Variants in PHTF2 observed in about 807,000 individuals in gnomAD.
PHTF2 encodes putative homeodomain transcription factor 2.
Under a neutral mutation model 101.2 loss-of-function variants are expected in PHTF2, and 60 were observed. That is an observed-to-expected ratio of 0.59 (90% CI 0.48 to 0.73). PHTF2 has a LOEUF of 0.73. Ranked by LOEUF, PHTF2 falls within the 30% of genes least tolerant of loss-of-function variation. The pLI is 0.00. For missense variants in PHTF2, 747 were observed against 908.7 expected, an observed-to-expected ratio of 0.82 and a Z score of 2.29; for synonymous variants, 311 against 307.3, an observed-to-expected ratio of 1.01 and a Z score of -0.13.
chr7:77,935,789 T>C (rs1805073602), intron 12 of PHTF2, among the ~76,000 whole-genome samples: 1 of 152,196 alleles, frequency 6.6e-6, no homozygotes, highest in Non-Finnish European at 1.5e-5. Flanking sequence ...TTTAAAAATG[T>C]CTGTAAATCA....
At chr7:77,869,995 CT>C (rs746409570) in intron 3 of PHTF2, among the ~76,000 whole-genome samples, 2 of 151,784 alleles carry the variant, frequency 1.3e-5, no homozygotes, top group Non-Finnish European at 2.9e-5. Flanking sequence ...GTTATTAATC[CT>C]TTGTTGGATA....
At chr7:77,911,231 CTATACAAAAA>C (rs1802366004) in intron 9 of PHTF2, among the ~76,000 whole-genome samples, 2 of 151,854 alleles carry the variant, frequency 1.3e-5, no homozygotes, top group Non-Finnish European at 2.9e-5. Context: ...TTGCATACAA[CTATACAAAAA>C]TGGCTTTTTG....
intron 1 of PHTF2, among the ~76,000 whole-genome samples, chr7:77,800,537 A>C (rs1236914320): frequency 6.6e-6 from 1 of 152,220 alleles, no homozygotes; most frequent in East Asian, 1.9e-4. Flanking sequence ...TCTTGCATAG[A>C]TAGTCAAGCC....
chr7:77,954,724 G>C (rs1339034787), intron 19 of PHTF2, 134 bp from the exon 19 acceptor site: 3 of 503,276 alleles, frequency 6.0e-6, no homozygotes, highest in African/African-American at 2.1e-5. Context: ...TTCTTAAAAG[G>C]ATAAAGGAGT....
intron 3 of PHTF2, among the ~76,000 whole-genome samples, chr7:77,889,134 C>G (rs1800135139): frequency 6.6e-6 from 1 of 152,130 alleles, no homozygotes; most frequent in Admixed American, 6.5e-5. Flanking sequence ...ATTCTCTTTC[C>G]TAGTCCTAAG....
intron 1 of PHTF2, among the ~76,000 whole-genome samples, chr7:77,817,019 C>T (rs967772134): frequency 2.6e-5 from 4 of 152,228 alleles, no homozygotes; most frequent in Admixed American, 6.5e-5. Flanking sequence ...AATAGTGCTG[C>T]AATAAACATG....
intron 1 of PHTF2, among the ~76,000 whole-genome samples, chr7:77,822,805 T>C (rs1299601517): frequency 6.6e-6 from 1 of 152,170 alleles, no homozygotes; most frequent in East Asian, 1.9e-4. Flanking sequence ...TAGCTGTTTA[T>C]GTGATGCCTA....
chr7:77,891,185 A>C (rs1018194131), intron 3 of PHTF2, among the ~76,000 whole-genome samples: 1 of 152,164 alleles, frequency 6.6e-6, no homozygotes, highest in African/African-American at 2.4e-5. Context: ...CTAGGATTAC[A>C]GGCATGAGCC....
At chr7:77,834,569 C>A (rs1380459924) in intron 1 of PHTF2, among the ~76,000 whole-genome samples, 2 of 152,176 alleles carry the variant, frequency 1.3e-5, no homozygotes, top group Non-Finnish European at 2.9e-5. Flanking sequence ...TTGCCTACCT[C>A]ACATGGCTCA....
chr7:77,943,183 C>G (rs1359635265), intron 16 of PHTF2, among the ~76,000 whole-genome samples: 1 of 152,330 alleles, frequency 6.6e-6, no homozygotes, highest in Admixed American at 6.5e-5. Context: ...TGCAGTGGCG[C>G]GATCTCGGCT....
intron 18 of PHTF2, among the ~76,000 whole-genome samples, chr7:77,952,274 T>A (rs1282957287): frequency 2.0e-5 from 3 of 152,166 alleles, no homozygotes; most frequent in Non-Finnish European, 4.4e-5. Flanking sequence ...AAGGAAAATA[T>A]TTTTTAAAAT....
At chr7:77,877,927 G>T (rs1488808936) in intron 3 of PHTF2, among the ~76,000 whole-genome samples, 1 of 152,128 alleles carries the variant, frequency 6.6e-6, no homozygotes, top group Non-Finnish European at 1.5e-5. Flanking sequence ...TGTGTGTCTG[G>T]CTTTGAATCA....
In PHTF2 at chr7:77,926,790, G is replaced by A. The variant is rs1022734807; in HGVS notation, c.1120-2319G>A. On this transcript the variant is annotated intron_variant, in intron 11 of 19. Coordinates refer to ENST00000416283, the Ensembl canonical transcript of PHTF2. ...TAGAGACCCGCCTGTGCAACATGGC[G>A]AAACTCCATCTCTCAAAAAAAAAAC... Among the ~76,000 whole-genome samples the A allele has an allele frequency of 2.9e-4, 43 of 150,640 alleles. 1 individual carries two copies. Among genetic ancestry groups the A allele is most frequent in the Admixed American group, 2.2e-3 (33 of 15,098 alleles).
At chr7:77,954,876 T>C in exon 20 of PHTF2, 1 of 1,510,632 alleles carries the variant, frequency 6.6e-7, no homozygotes, top group Non-Finnish European at 9.1e-7. Context: ...GATTAAGTCA[T>C]GACAATTCAA....
At chr7:77,883,866 TAA>T in intron 3 of PHTF2, among the ~76,000 whole-genome samples, 1 of 152,344 alleles carries the variant, frequency 6.6e-6, no homozygotes, top group Non-Finnish European at 1.5e-5. Flanking sequence ...TTTAGCAATT[TAA>T]AAGTGAAATA....
At chr7:77,799,031 A>G (rs539448770) in intron 1 of PHTF2, 60 bp downstream of exon 1, 1 of 152,762 alleles carries the variant, frequency 6.5e-6, no homozygotes, top group African/African-American at 2.4e-5. Context: ...GAGTTCTGAC[A>G]GAATTTCGAG....
chr7:77,944,770 CTG>C (rs904200646), intron 16 of PHTF2, among the ~76,000 whole-genome samples: 4 of 152,146 alleles, frequency 2.6e-5, no homozygotes, highest in Admixed American at 2.0e-4. Context: ...ATAGATAACA[CTG>C]TGAAAAAAGA....
chr7:77,886,581 A>G (rs1799869502), intron 3 of PHTF2, among the ~76,000 whole-genome samples: 1 of 152,138 alleles, frequency 6.6e-6, no homozygotes, highest in African/African-American at 2.4e-5. Context: ...GAGGAGGTAC[A>G]TGATTCTCTA....
chr7:77,810,437 C>T (rs1793345412), intron 1 of PHTF2, among the ~76,000 whole-genome samples: 1 of 152,202 alleles, frequency 6.6e-6, no homozygotes. Flanking sequence ...TGTCACATCT[C>T]TCTAGTTTCT....
Sources: allele counts gnomAD v4.1 joint callset (sites outside exome capture counted in the v4.1 genomes callset), GRCh38; gene constraint gnomAD v4.1.1; transcripts MANE v1.5; gene names NCBI Gene and HGNC (gene_info 2026-07-23, HGNC 2026-07-21).